The following BPTF variants were observed in gnomAD, a reference collection of about 807,000 sequenced individuals.
BPTF encodes the protein bromodomain PHD finger transcription factor.
BPTF carries 18 observed loss-of-function variants against 292.5 expected under a neutral mutation model. The observed-to-expected ratio is 0.06, with a 90% confidence interval of 0.04 to 0.09. The LOEUF is 0.09. Ranked by LOEUF, BPTF falls within the 10% of genes least tolerant of loss-of-function variation. The probability of loss-of-function intolerance (pLI) is 1.00; values close to 1 mark genes in which losing one functional copy is unlikely to be tolerated. For synonymous variants in BPTF, 1,225 were observed against 1,251.9 expected, an observed-to-expected ratio of 0.98 and a Z score of 0.45; for missense variants, 2,726 against 3,498.7, an observed-to-expected ratio of 0.78 and a Z score of 5.57.
At chr17:67,861,708 CT>C (rs1184993411) in intron 2 of BPTF, among the ~76,000 whole-genome samples, 1 of 152,162 alleles carries the variant, frequency 6.6e-6, no homozygotes, top group Non-Finnish European at 1.5e-5. Context: ...TCCATTTGCC[CT>C]TAACCAAAAC....
intron 2 of BPTF, among the ~76,000 whole-genome samples, chr17:67,860,822 C>T (rs1172489746): frequency 6.6e-6 from 1 of 152,164 alleles, no homozygotes; most frequent in Non-Finnish European, 1.5e-5. Flanking sequence ...CCTCCCAAAG[C>T]GCTAGGATTA....
chr17:67,903,341 A>G lies in BPTF; in HGVS notation c.2544-448A>G, dbSNP rs1420996222. Among the ~76,000 whole-genome samples the G allele has an allele frequency of 2.6e-5, 4 of 152,240 alleles. No individual in the cohort carries two copies. In the East Asian group the frequency reaches 7.7e-4, roughly 29 times the overall value. Reference sequence around the variant, plus strand: ...TAACAGTGACCTGGTTTAATAAATTATGGCATATCCATGCAATGGAATATT... The same window carrying G: ...TAACAGTGACCTGGTTTAATAAATTGTGGCATATCCATGCAATGGAATATT... On this transcript the variant is annotated intron_variant, in intron 7 of 27. Transcript: ENST00000306378.
At chr17:67,944,666 A>G in intron 20 of BPTF, 1 of 419,178 alleles carries the variant, frequency 2.4e-6, no homozygotes, top group East Asian at 4.9e-5. Context: ...TAAGCCTTGT[A>G]GGTGCTGATT....
At chr17:67,947,483 A>G (rs1555676046) in intron 21 of BPTF, among the ~76,000 whole-genome samples, 1 of 152,166 alleles carries the variant, frequency 6.6e-6, no homozygotes, top group African/African-American at 2.4e-5. Flanking sequence ...AATTATTGCT[A>G]TGGTTCAGTG....
At chr17:67,955,276 T>C (rs2066813654) in intron 23 of BPTF, 3 of 29,092 alleles carry the variant, frequency 1.0e-4, no homozygotes, top group Middle Eastern at 0.013. Flanking sequence ...AGACTCTGTC[T>C]CAAAAAAAAA....
chr17:67,859,004 A>G (rs1373213669), intron 2 of BPTF, among the ~76,000 whole-genome samples: 2 of 152,222 alleles, frequency 1.3e-5, no homozygotes, highest in Non-Finnish European at 2.9e-5. Flanking sequence ...AGTTGTGATA[A>G]GTTAGTAACA....
At chr17:67,843,201 CATGTAG>C (rs1241365352) in intron 1 of BPTF, among the ~76,000 whole-genome samples, 2 of 125,594 alleles carry the variant, frequency 1.6e-5, no homozygotes, top group Non-Finnish European at 3.7e-5. Flanking sequence ...CATCTACATA[CATGTAG>C]ATGTATGTAG....
In BPTF at chr17:67,863,004, T is replaced by A. The variant is rs184974931; in HGVS notation, c.1437-3460T>A. On this transcript the variant is annotated intron_variant, in intron 2 of 27. Coordinates refer to ENST00000306378, the MANE Select transcript of BPTF (RefSeq NM_182641.4). Reference sequence around the variant, plus strand: ...AACCACTTTCACATTTTTGAGTATGTTAGCAGCAGCACCCCACTTCCCGTA... The same window carrying A: ...AACCACTTTCACATTTTTGAGTATGATAGCAGCAGCACCCCACTTCCCGTA... 2.6e-5 allele frequency among the ~76,000 whole-genome samples: 4 copies of A among 152,258 alleles called. No individual in the cohort carries two copies. The East Asian group carries it at 7.7e-4, about 29-fold the overall frequency.
At chr17:67,925,789 G>C (rs965151617) in intron 15 of BPTF, among the ~76,000 whole-genome samples, 1 of 137,294 alleles carries the variant, frequency 7.3e-6, no homozygotes, top group African/African-American at 2.8e-5. Flanking sequence ...TCAAATTCTT[G>C]TGTATCTTTC....
intron 11 of BPTF, among the ~76,000 whole-genome samples, chr17:67,916,895 T>G (rs759447434): frequency 2.6e-5 from 4 of 151,844 alleles, no homozygotes; most frequent in Non-Finnish European, 5.9e-5. Flanking sequence ...AATCAACCAC[T>G]AAGTTCATTT....
intron 8 of BPTF, among the ~76,000 whole-genome samples, chr17:67,904,299 G>A (rs2062036324): frequency 6.6e-6 from 1 of 152,166 alleles, no homozygotes; most frequent in South Asian, 2.1e-4. Context: ...CAAAGTGCTG[G>A]AATTACAGGC....
intron 3 of BPTF, among the ~76,000 whole-genome samples, chr17:67,873,181 G>A (rs55939964): frequency 0.2 from 31,021 of 152,048 alleles, 3,978 homozygotes; most frequent in East Asian, 0.66. Context: ...CTTATGGCCC[G>A]GTGCAGTGGC....
intron 1 of BPTF, among the ~76,000 whole-genome samples, chr17:67,847,782 T>C (rs1333740374): frequency 1.3e-5 from 2 of 152,192 alleles, no homozygotes; most frequent in East Asian, 3.8e-4. Context: ...TGGAATGTAC[T>C]GGAAGAGCAT....
chr17:67,918,078 C>A (rs1446238460), intron 11 of BPTF, among the ~76,000 whole-genome samples: 4 of 152,010 alleles, frequency 2.6e-5, no homozygotes. Context: ...GGATTACAGG[C>A]ATGAGCCACC....
At chr17:67,960,518 G>C (rs1598933130) in intron 24 of BPTF, 1 of 152,144 alleles carries the variant, frequency 6.6e-6, no homozygotes, top group East Asian at 1.9e-4. Flanking sequence ...CTTGTATTTG[G>C]TGATATAAAC....
chr17:67,946,293 G>GCTT lies in BPTF; in HGVS notation c.7588_7590dup (p.Ser2530dup). ...AATTAAGCGTGAACACACCCTCCAA[G>GCTT]CTTCTAATCAAAGTGAAATCATTCA... On this transcript the variant is annotated inframe_insertion, in exon 21 of 28. Coordinates refer to ENST00000306378, the MANE Select transcript of BPTF (RefSeq NM_182641.4). The GCTT allele has an allele frequency of 6.2e-7, 1 of 1,613,968 alleles. No homozygotes were observed. The highest frequency in any genetic ancestry group is 8.5e-7 in the Non-Finnish European group (1 of 1,179,976).
chr17:67,978,197 A>C (rs2069791700), intron 27 of BPTF, among the ~76,000 whole-genome samples: 1 of 151,612 alleles, frequency 6.6e-6, no homozygotes, highest in South Asian at 2.1e-4. Flanking sequence ...GCTATGACCC[A>C]AGCTAATCTT....
At chr17:67,927,805 A>G (rs2064041624) in intron 15 of BPTF, among the ~76,000 whole-genome samples, 1 of 152,224 alleles carries the variant, frequency 6.6e-6, no homozygotes, top group African/African-American at 2.4e-5. Context: ...GTATAGAGAC[A>G]TGAAAATACT....
intron 27 of BPTF, among the ~76,000 whole-genome samples, chr17:67,980,051 A>C (rs1461926782): frequency 6.6e-6 from 1 of 151,636 alleles, no homozygotes; most frequent in African/African-American, 2.4e-5. Flanking sequence ...CAAACAAAAA[A>C]AAACCTACCC....
Sources: gnomAD v4.1 joint callset for allele counts (sites outside exome capture counted in the v4.1 genomes callset) on GRCh38, gnomAD v4.1.1 for gene constraint, MANE v1.5 for transcripts, NCBI Gene and HGNC (gene_info 2026-07-23, HGNC 2026-07-21) for gene names.